The following KLHL3 variants were observed in gnomAD, a reference collection of about 807,000 sequenced individuals.
KLHL3 encodes the protein kelch-like protein 3.
A neutral mutation model predicts 70.5 loss-of-function variants in KLHL3; 19 were observed. The observed-to-expected ratio is 0.27, with a 90% CI of 0.19 to 0.40. The LOEUF is 0.40. Ranked by LOEUF, KLHL3 falls within the 10% of genes least tolerant of loss-of-function variation. The probability of loss-of-function intolerance (pLI) is 1.00; values close to 1 mark genes in which losing one functional copy is unlikely to be tolerated. For missense variants in KLHL3, 512 were observed against 771.1 expected, an observed-to-expected ratio of 0.66 and a Z score of 3.98; for synonymous variants, 258 against 290.3, an observed-to-expected ratio of 0.89 and a Z score of 1.13.
rs79935026 is a variant in KLHL3 at position 137,672,172 on chromosome 5, G to A, written c.636+5373C>T. The stretch of plus-strand genomic sequence containing the variant: ...GCAACTCTGATAACCTCAGAGTAAG[G>A]CAGGGCTGCCAACAGCTCGGCCTAG... On this transcript the variant is annotated intron_variant, in intron 6 of 14. Transcript: ENST00000309755. 8.2e-3 allele frequency among the ~76,000 whole-genome samples: 1,249 copies of A among 152,338 alleles called. 24 individuals carry two copies. Among genetic ancestry groups the A allele is most frequent in the African/African-American group, 0.029 (1,194 of 41,572 alleles).
At chr5:137,627,163 T>C in intron 13 of KLHL3, among the ~76,000 whole-genome samples, 1 of 152,200 alleles carries the variant, frequency 6.6e-6, no homozygotes, top group East Asian at 1.9e-4. Context: ...TAAATTATGA[T>C]ATAGTCATTT....
At chr5:137,708,382 C>G (rs1039041209) in intron 3 of KLHL3, among the ~76,000 whole-genome samples, 3 of 152,218 alleles carry the variant, frequency 2.0e-5, no homozygotes, top group Admixed American at 2.0e-4. Flanking sequence ...GCACTCACCC[C>G]TCCTTAGCAA....
intron 3 of KLHL3, among the ~76,000 whole-genome samples, chr5:137,700,684 A>G (rs535371425): frequency 6.5e-4 from 99 of 152,314 alleles, no homozygotes; most frequent in African/African-American, 2.1e-3. Context: ...GCTCCTTTAC[A>G]TGACCCTCAA....
At chr5:137,668,902 A>C (rs1014145835) in intron 6 of KLHL3, among the ~76,000 whole-genome samples, 1 of 149,934 alleles carries the variant, frequency 6.7e-6, no homozygotes, top group Non-Finnish European at 1.5e-5. Flanking sequence ...GCCAGTTGTT[A>C]AACATTTACC....
chr5:137,688,906 A>T (rs1465707844), intron 5 of KLHL3, among the ~76,000 whole-genome samples: 1 of 152,222 alleles, frequency 6.6e-6, no homozygotes, highest in Non-Finnish European at 1.5e-5. Flanking sequence ...GACAGAACTC[A>T]ATCACTATAA....
intron 8 of KLHL3, among the ~76,000 whole-genome samples, chr5:137,656,354 T>C (rs1462731070): frequency 6.6e-6 from 1 of 152,180 alleles, no homozygotes; most frequent in African/African-American, 2.4e-5. Context: ...TTAAAAGCAG[T>C]CTGTACCACA....
At chr5:137,730,657 A>T (rs1321872440) in intron 1 of KLHL3, among the ~76,000 whole-genome samples, 2 of 152,218 alleles carry the variant, frequency 1.3e-5, no homozygotes, top group African/African-American at 4.8e-5. Flanking sequence ...TAAAAATGTA[A>T]AACATTTTAC....
chr5:137,694,161 C>T (rs1012700161), intron 4 of KLHL3, among the ~76,000 whole-genome samples: 3 of 152,006 alleles, frequency 2.0e-5, no homozygotes, highest in African/African-American at 7.3e-5. Context: ...AGCCAAATGC[C>T]TACGCTCAAC....
At chr5:137,682,584 TC>T (rs1406372554) in intron 5 of KLHL3, among the ~76,000 whole-genome samples, 1 of 151,922 alleles carries the variant, frequency 6.6e-6, no homozygotes. Context: ...ATTTCCCTAA[TC>T]CCCCCATCCA....
intron 8 of KLHL3, among the ~76,000 whole-genome samples, chr5:137,647,811 AAG>A (rs1481522449): frequency 2.6e-5 from 4 of 152,150 alleles, no homozygotes; most frequent in Non-Finnish European, 5.9e-5. Context: ...GGGGGGAGAG[AAG>A]AGGAGTGGAA....
At chr5:137,661,539 T>C (rs992264203) in intron 7 of KLHL3, 2 of 165,734 alleles carry the variant, frequency 1.2e-5, no homozygotes, top group Non-Finnish European at 2.6e-5. Context: ...CAGCTAACTT[T>C]CATGGAACAT....
chr5:137,694,946 C>A lies in KLHL3; in HGVS notation c.364-2499G>T, dbSNP rs571357704. On this transcript the variant is annotated intron_variant, in intron 4 of 14. Transcript: ENST00000309755. Reference sequence around the variant, plus strand: ...AAGAGGCAGGAATTCAACAGCAACCCTCTCCCCACCACCCACCATCCAAGA... The same window carrying A: ...AAGAGGCAGGAATTCAACAGCAACCATCTCCCCACCACCCACCATCCAAGA... Among the ~76,000 whole-genome samples the A allele has an allele frequency of 2.9e-4, 44 of 152,212 alleles. No individual in the cohort carries two copies. The South Asian group carries it at 8.5e-3, about 29-fold the overall frequency.
In KLHL3 at chr5:137,636,971, A is replaced by C. The variant is rs2074349; in HGVS notation, c.1321+323T>G. 0.36 allele frequency among the ~76,000 whole-genome samples: 54,332 copies of C among 152,068 alleles called. 10,505 individuals are homozygous for C. Among genetic ancestry groups the C allele is most frequent in the East Asian group, 0.61 (3,171 of 5,162 alleles). ...ATTATCCTCCTGGGTTATATGCTGA[A>C]TATGGATTCCCTACTCCCTTCCCTT... On this transcript the variant is annotated intron_variant, in intron 11 of 14. Transcript: ENST00000309755.
At chr5:137,729,522 C>T (rs1753138084) in intron 1 of KLHL3, among the ~76,000 whole-genome samples, 1 of 152,158 alleles carries the variant, frequency 6.6e-6, no homozygotes, top group African/African-American at 2.4e-5. Flanking sequence ...CCAGTTTGGC[C>T]TCCCCCGTGG....
At position 137,691,228 on chromosome 5, in the gene KLHL3, A is replaced by G. The variant is rs139675849; in HGVS notation, c.526+1057T>C. 6.9e-4 allele frequency among the ~76,000 whole-genome samples: 105 copies of G among 152,324 alleles called. No homozygotes were observed. The Middle Eastern group carries it at 0.014, about 20-fold the overall frequency. ...ATACACTATGCAAGAGAAAAAGACA[A>G]TTATTAACTGCCCTTCTTATTAAAG... is the stretch of plus-strand genomic sequence containing the variant. On this transcript the variant is annotated intron_variant, in intron 5 of 14. Transcript: ENST00000309755.
chr5:137,691,243 T>A (rs1375776978), intron 5 of KLHL3, among the ~76,000 whole-genome samples: 1 of 152,208 alleles, frequency 6.6e-6, no homozygotes, highest in Non-Finnish European at 1.5e-5. Context: ...TAACTGCCCT[T>A]CTTATTAAAG....
At chr5:137,682,324 T>A (rs2967794) in intron 5 of KLHL3, among the ~76,000 whole-genome samples, 123,509 of 151,246 alleles carry the variant, frequency 0.82, 50,916 homozygotes, top group East Asian at 0.99. Flanking sequence ...GATAAACACC[T>A]ATCCTGAGCA....
chr5:137,621,808 G>T lies in KLHL3; in HGVS notation c.*290C>A. On this transcript the variant is annotated 3_prime_UTR_variant, in exon 15 of 15. Transcript: ENST00000309755. The stretch of plus-strand genomic sequence containing the variant: ...CACACACACACACACACACACTCCA[G>T]GGTCTGTATTGTCCCTGTAGAAACA... The T allele has an allele frequency of 2.0e-6, 1 of 499,466 alleles. No individual in the cohort carries two copies. Among genetic ancestry groups the T allele is most frequent in the Non-Finnish European group, 3.6e-6 (1 of 276,790 alleles). 30.9% of individuals were successfully genotyped at this position (499,466 alleles called of 1,614,324 possible).
intron 5 of KLHL3, among the ~76,000 whole-genome samples, chr5:137,677,939 TTAA>T (rs1406209339): frequency 6.6e-6 from 1 of 152,148 alleles, no homozygotes; most frequent in Non-Finnish European, 1.5e-5. Flanking sequence ...CTCCATGAGA[TTAA>T]TAATAGCACT....
Sources: gnomAD v4.1 joint callset for allele counts (sites outside exome capture counted in the v4.1 genomes callset) on GRCh38, gnomAD v4.1.1 for gene constraint, MANE v1.5 for transcripts, NCBI Gene and HGNC (gene_info 2026-07-23, HGNC 2026-07-21) for gene names.